The following MOBP variants were observed in gnomAD, a reference collection of about 807,000 sequenced individuals.
The protein encoded by MOBP is myelin-associated oligodendrocyte basic protein.
A neutral mutation model predicts 15.0 loss-of-function variants in MOBP; 5 were observed. The observed-to-expected ratio is 0.33, with a 90% CI of 0.17 to 0.70. MOBP has a LOEUF of 0.70. MOBP is among the 30% of genes least tolerant of loss of function. MOBP has a pLI of 0.67. For synonymous variants in MOBP, 88 were observed against 99.0 expected, an observed-to-expected ratio of 0.89 and a Z score of 0.66; for missense variants, 188 against 257.8, an observed-to-expected ratio of 0.73 and a Z score of 1.85.
chr3:39,481,880 T>C (rs2042633242), intron 2 of MOBP, among the ~76,000 whole-genome samples: 1 of 152,218 alleles, frequency 6.6e-6, no homozygotes, highest in South Asian at 2.1e-4. Flanking sequence ...AAATACTTTT[T>C]CCCTTTGATT....
At chr3:39,483,172 CAG>C (rs1022684102) in intron 2 of MOBP, among the ~76,000 whole-genome samples, 1 of 152,198 alleles carries the variant, frequency 6.6e-6, no homozygotes, top group African/African-American at 2.4e-5. Context: ...GTCATATTGT[CAG>C]GGGCTAACAT....
chr3:39,483,216 T>C (rs999565561), intron 2 of MOBP, among the ~76,000 whole-genome samples: 2 of 152,258 alleles, frequency 1.3e-5, no homozygotes, highest in Admixed American at 1.3e-4. Context: ...ACTCAGTGAC[T>C]GCTTTTTTGA....
chr3:39,509,504 A>G (rs1010383046), intron 4 of MOBP, among the ~76,000 whole-genome samples: 1 of 152,202 alleles, frequency 6.6e-6, no homozygotes, highest in African/African-American at 2.4e-5. Context: ...ATAATCCACT[A>G]AAGACACTTA....
rs909908516 is a variant in MOBP, at chr3:39,502,684, C to T, written c.356C>T (p.Ser119Phe). 1 of 1,492,424 alleles carries T rather than the reference C, an allele frequency of 6.7e-7. No homozygotes were observed. The highest frequency in any genetic ancestry group is 1.3e-5 in the South Asian group (1 of 75,806). The allele number at this position is 1,492,424 out of a possible 1,614,324, so 92.4% of individuals were successfully genotyped here. A position where few individuals can be genotyped will look rare whatever the true frequency, so the allele number is the denominator to read the frequency against. ...SPPRSERQPRSPPRSERQPRS... is the reference protein window; with the variant it reads ...SPPRSERQPRFPPRSERQPRS... ...CCGAGGTCTGAGCGTCAGCCACGGT[C>T]CCCTCCGAGGTCTGAGCGTCAGCCA... The change falls in exon 4 of 4, where the codon TCC (serine) becomes TTC (phenylalanine). Residue 119 changes from serine (S) to phenylalanine (F), a missense_variant. Coordinates refer to ENST00000684792, the MANE Select transcript of MOBP (RefSeq NM_001393704.1). This position sits in a 1 kb window ranked among gnomAD's most constrained non-coding sequence, Gnocchi z 6.3.
At chr3:39,505,631 G>T (rs886198415), downstream of MOBP, among the ~76,000 whole-genome samples, 2 of 152,206 alleles carry the variant, frequency 1.3e-5, no homozygotes, top group African/African-American at 4.8e-5. Flanking sequence ...AGCCAGAGAG[G>T]CTTCCAGTCC....
intron 2 of MOBP, among the ~76,000 whole-genome samples, chr3:39,498,118 ATT>A (rs2042912292): frequency 1.3e-5 from 2 of 152,370 alleles, no homozygotes; most frequent in Non-Finnish European, 2.9e-5. Flanking sequence ...GCTAAACTTA[ATT>A]TAACAGCCTG....
At chr3:39,499,006 C>T (rs645457) in intron 2 of MOBP, among the ~76,000 whole-genome samples, 41,890 of 151,830 alleles carry the variant, frequency 0.28, 6,908 homozygotes, top group African/African-American at 0.46. Flanking sequence ...AGTTATTTCT[C>T]AAACAGTTGG....
chr3:39,469,160 G>T (rs1405328195), intron 1 of MOBP, among the ~76,000 whole-genome samples: 1 of 92,344 alleles, frequency 1.1e-5, no homozygotes, highest in African/African-American at 7.8e-5. Flanking sequence ...ACATATGTGT[G>T]TGTGTATACA....
At chr3:39,498,465 C>T (rs745513881) in intron 2 of MOBP, among the ~76,000 whole-genome samples, 14 of 152,148 alleles carry the variant, frequency 9.2e-5, no homozygotes, top group Non-Finnish European at 4.4e-5. Flanking sequence ...ATTCTCTTGC[C>T]TCAGCTGCCC....
downstream of MOBP, chr3:39,526,406 T>G (rs549120121): frequency 6.6e-6 from 1 of 152,370 alleles, no homozygotes; most frequent in South Asian, 2.1e-4. Context: ...AATAGCTAAA[T>G]GTAATGTGCC....
chr3:39,479,125 G>A (rs2042588930), intron 1 of MOBP, among the ~76,000 whole-genome samples: 1 of 152,116 alleles, frequency 6.6e-6, no homozygotes, highest in Non-Finnish European at 1.5e-5. Flanking sequence ...ACCGCGCACG[G>A]CCCTGATCAT....
intron 2 of MOBP, among the ~76,000 whole-genome samples, chr3:39,484,611 T>C (rs2042675051): frequency 6.6e-6 from 1 of 152,178 alleles, no homozygotes; most frequent in Admixed American, 6.5e-5. Context: ...ACTAAAACCA[T>C]GTATTGTATA....
chr3:39,469,236 GTGTGTA>G (rs2042429352), intron 1 of MOBP, among the ~76,000 whole-genome samples: 2 of 143,958 alleles, frequency 1.4e-5, no homozygotes, highest in Non-Finnish European at 3.0e-5. Flanking sequence ...ATACATATGT[GTGTGTA>G]TATATACATA....
intron 4 of MOBP, among the ~76,000 whole-genome samples, chr3:39,509,102 GTGTA>G (rs150118877): frequency 0.37 from 35,575 of 96,824 alleles, 4,420 homozygotes; most frequent in Admixed American, 0.42. Flanking sequence ...GTGTGTGTGT[GTGTA>G]TATATATATA....
chr3:39,485,682 C>T (rs557123965), intron 2 of MOBP, among the ~76,000 whole-genome samples: 3 of 152,302 alleles, frequency 2.0e-5, no homozygotes, highest in East Asian at 1.9e-4. Flanking sequence ...GGCCTGTGGG[C>T]GTTCCTCTCA....
intron 2 of MOBP, among the ~76,000 whole-genome samples, chr3:39,493,998 G>T (rs2042838192): frequency 6.6e-6 from 1 of 152,156 alleles, no homozygotes; most frequent in Non-Finnish European, 1.5e-5. Flanking sequence ...TTGAAGAAAG[G>T]TCATCTTCCC....
exon 5 of MOBP, chr3:39,515,536 G>A (rs1300805529): frequency 6.6e-6 from 1 of 150,928 alleles, no homozygotes; most frequent in Non-Finnish European, 1.5e-5. Context: ...TCCAGGCTTG[G>A]TTCACTCTGC....
At chr3:39,526,415 C>T (rs1194881275), downstream of MOBP, 1 of 152,256 alleles carries the variant, frequency 6.6e-6, no homozygotes, top group Admixed American at 6.5e-5. Context: ...ATGTAATGTG[C>T]CTTGGATATT....
At chr3:39,492,561 C>T (rs534642009) in intron 2 of MOBP, among the ~76,000 whole-genome samples, 1 of 152,232 alleles carries the variant, frequency 6.6e-6, no homozygotes, top group African/African-American at 2.4e-5. Flanking sequence ...ATCAATTCTA[C>T]AGTTACAGAG....
Sources: gnomAD v4.1 joint callset for allele counts (sites outside exome capture counted in the v4.1 genomes callset) on GRCh38, gnomAD v4.1.1 for gene constraint, Gnocchi (gnomAD v3.1) non-coding constraint, MANE v1.5 for transcripts, NCBI Gene and HGNC (gene_info 2026-07-23, HGNC 2026-07-21) for gene names.